Variants in GOLGB1 observed in about 807,000 individuals in gnomAD.
The protein encoded by GOLGB1 is golgin B1, also known as golgin subfamily B member 1.
GOLGB1 carries 174 observed loss-of-function variants against 336.9 expected under a neutral mutation model. The ratio of observed to expected loss-of-function variants is 0.52; its 90% CI spans 0.46 to 0.59. GOLGB1 has a LOEUF of 0.59. GOLGB1 is among the 20% of genes least tolerant of loss of function. The pLI is 0.00. For synonymous variants in GOLGB1, 1,208 were observed against 1,289.2 expected, an observed-to-expected ratio of 0.94 and a Z score of 1.35; for missense variants, 3,331 against 3,645.3, an observed-to-expected ratio of 0.91 and a Z score of 2.22.
At chr3:121,668,672 C>CAAAAA (rs138891151) in intron 18 of GOLGB1, among the ~76,000 whole-genome samples, 1 of 66,624 alleles carries the variant, frequency 1.5e-5, no homozygotes, top group Non-Finnish European at 3.4e-5. Flanking sequence ...GACTCCGTCT[C>CAAAAA]AAAAAAAAAA....
In GOLGB1 at chr3:121,737,646, C is replaced by T. The variant is rs962503493; in HGVS notation, c.-2-6673G>A. On this transcript the variant is annotated intron_variant, in intron 1 of 21. Transcript: ENST00000614479. ...CAGCCTGGGCAACAGAGCAAGACCG[C>T]GTCTCAAAAAAAAAAAAAAACCTCA... 3.6e-5 allele frequency among the ~76,000 whole-genome samples: 5 copies of T among 138,074 alleles called. No individual in the cohort carries two copies. The East Asian group carries it at 7.5e-4, about 21-fold the overall frequency. 90.6% of individuals were successfully genotyped at this position (138,074 alleles called of 152,430 possible). A position where few individuals can be genotyped will look rare whatever the true frequency, so the allele number is the denominator to read the frequency against.
chr3:121,667,364 T>C (rs1233255280), intron 20 of GOLGB1, 112 bp downstream of exon 20: 6 of 1,121,968 alleles, frequency 5.3e-6, no homozygotes, highest in Non-Finnish European at 6.4e-6. Flanking sequence ...TTGCAGCAAC[T>C]ACCTCAAGAT....
At position 121,696,430 on chromosome 3, in the gene GOLGB1, A is replaced by T. The variant is rs374134067; in HGVS notation, c.4093T>A (p.Ser1365Thr). ...TCGGCATGGACTTCAGCTTCATGGGATACTGTCTTTAGACTCTCGATTTCT... is the reference window on the plus strand; with the variant it reads ...TCGGCATGGACTTCAGCTTCATGGGTTACTGTCTTTAGACTCTCGATTTCT... ...GLEIESLKTVSHEAEVHAESL... is the reference protein window; with the variant it reads ...GLEIESLKTVTHEAEVHAESL... The change falls in exon 13 of 22, where the codon TCC becomes ACC. Residue 1365 changes from serine (S) to threonine (T), a missense_variant. Ser to Thr is a moderately conservative substitution (Grantham distance 58, BLOSUM62 1). Coordinates refer to ENST00000614479, the MANE Select transcript of GOLGB1 (RefSeq NM_001366282.2). 4 of 1,614,022 alleles carry T rather than the reference A, an allele frequency of 2.5e-6. No individual in the cohort carries two copies. The African/African-American group carries it at 4.0e-5, about 16-fold the overall frequency.
At chr3:121,685,380 C>T (rs1208465607) in intron 14 of GOLGB1, among the ~76,000 whole-genome samples, 2 of 151,802 alleles carry the variant, frequency 1.3e-5, no homozygotes, top group Non-Finnish European at 2.9e-5. Context: ...ACTAAAAATA[C>T]AAAAATTAGC....
chr3:121,673,751 C>T (rs1237343435), intron 17 of GOLGB1, among the ~76,000 whole-genome samples: 2 of 151,854 alleles, frequency 1.3e-5, no homozygotes, highest in African/African-American at 2.4e-5. Flanking sequence ...AACACAGTCT[C>T]GCTCTGTCAC....
At chr3:121,718,102 C>T (rs1039927686) in intron 8 of GOLGB1, among the ~76,000 whole-genome samples, 8 of 152,108 alleles carry the variant, frequency 5.3e-5, no homozygotes, top group African/African-American at 1.9e-4. Flanking sequence ...CATACTCAAT[C>T]TGTATGACAT....
rs138282331 is a variant in GOLGB1, at chr3:121,712,895, G to A, written c.1404+1966C>T. On this transcript the variant is annotated intron_variant, in intron 10 of 21. Transcript: ENST00000614479. ...TAGTACAACCACAGCCAGGTGCGGT[G>A]GCTCATGCCTGTAATCCCAGCACTT... 2.2e-3 allele frequency among the ~76,000 whole-genome samples: 342 copies of A among 152,288 alleles called. 3 individuals are homozygous for A. Among genetic ancestry groups the A allele is most frequent in the African/African-American group, 8.0e-3 (331 of 41,558 alleles).
chr3:121,741,132 AAC>A (rs1482702983), intron 1 of GOLGB1, among the ~76,000 whole-genome samples: 2 of 152,194 alleles, frequency 1.3e-5, no homozygotes, highest in Non-Finnish European at 2.9e-5. Context: ...AGATATAAAA[AAC>A]ACAGACAAAA....
rs1942388599 is a variant in GOLGB1 at position 121,691,239 on chromosome 3, TCTC to T, written c.8122_8124del (p.Glu2708del). Reference sequence around the variant, plus strand: ...AAATCTCTTGCTAGCTCTGCCACTCTCTCTTCTGCTGTTTCAGTTTCATTTCTC... The same window carrying T: ...AAATCTCTTGCTAGCTCTGCCACTCTTTCTGCTGTTTCAGTTTCATTTCTC... On this transcript the variant is annotated inframe_deletion, in exon 14 of 22. Transcript: ENST00000614479. The T allele has an allele frequency of 1.9e-6, 3 of 1,613,880 alleles. No individual in the cohort carries two copies. Among genetic ancestry groups the T allele is most frequent in the Non-Finnish European group, 2.5e-6 (3 of 1,180,024 alleles).
chr3:121,694,773 T>G lies in GOLGB1; in HGVS notation c.5750A>C (p.Lys1917Thr), dbSNP rs752392314. Residue 1917 changes from lysine to threonine, a missense_variant, in exon 13 of 22, where the codon AAG becomes ACG. Coordinates refer to ENST00000614479, the MANE Select transcript of GOLGB1 (RefSeq NM_001366282.2). ...QEELSRVTKLKETAEEEKDDL... is the reference protein window; with the variant it reads ...QEELSRVTKLTETAEEEKDDL... ...ATCTTTCTCTTCTTCTGCTGTCTCC[T>G]TTAGTTTGGTAACTCTGGAGAGTTC... 2 of 1,612,900 alleles carry G rather than the reference T, an allele frequency of 1.2e-6. No homozygotes were observed. The highest frequency in any genetic ancestry group is 8.5e-7 in the Non-Finnish European group (1 of 1,179,656).
intron 20 of GOLGB1, 57 bp downstream of exon 20, chr3:121,667,419 A>G: frequency 6.5e-7 from 1 of 1,542,766 alleles, no homozygotes; most frequent in Non-Finnish European, 8.8e-7. Context: ...GGAAATGTAC[A>G]TGAGTTTGAT....
At chr3:121,747,910 C>T (rs1947479902) in intron 1 of GOLGB1, among the ~76,000 whole-genome samples, 1 of 152,036 alleles carries the variant, frequency 6.6e-6, no homozygotes, top group Admixed American at 6.5e-5. Flanking sequence ...AGCTTAGTCT[C>T]CTTTTACATA....
chr3:121,688,421 C>T (rs910391790), intron 14 of GOLGB1, among the ~76,000 whole-genome samples: 11 of 152,380 alleles, frequency 7.2e-5, no homozygotes, highest in African/African-American at 1.7e-4. Flanking sequence ...CTCCTAACCG[C>T]GAGTGATCCG....
intron 5 of GOLGB1, among the ~76,000 whole-genome samples, chr3:121,725,849 A>G (rs1488771484): frequency 6.6e-6 from 1 of 152,104 alleles, no homozygotes; most frequent in Non-Finnish European, 1.5e-5. Context: ...GCAAATTAGC[A>G]CACTCAGCCC....
In GOLGB1 at chr3:121,699,809, T is replaced by A; in HGVS notation, c.1593+3A>T. 2 of 1,560,206 alleles carry A rather than the reference T, an allele frequency of 1.3e-6. No homozygotes were observed. Among genetic ancestry groups the A allele is most frequent in the Non-Finnish European group, 1.8e-6 (2 of 1,132,328 alleles). On this transcript the variant is annotated splice_donor_region_variant and intron_variant, in intron 12 of 21. Coordinates refer to ENST00000614479, the MANE Select transcript of GOLGB1 (RefSeq NM_001366282.2). ...CTGGTTATATTAAGAACACATCACT[T>A]ACCTCACTGACTTCTCTGTCTGCCT...
intron 6 of GOLGB1, 55 bp downstream of exon 6, chr3:121,722,207 C>A: frequency 1.1e-6 from 1 of 945,462 alleles, no homozygotes; most frequent in East Asian, 2.4e-5. Context: ...TTGACTTGTG[C>A]GTAATAACCC....
In GOLGB1 at chr3:121,732,289, G is replaced by C. The variant is rs555270876; in HGVS notation, c.-2-1316C>G. Among the ~76,000 whole-genome samples, 10 of 152,194 alleles carry C rather than the reference G, an allele frequency of 6.6e-5. No homozygotes were observed. In the South Asian group the frequency reaches 1.9e-3, roughly 28 times the overall value. ...AGGTGGCTTCATTAGTAGGTAACAA[G>C]AAACATTTAAGGAATAATACCAATT... On this transcript the variant is annotated intron_variant, in intron 1 of 21. Transcript: ENST00000614479.
intron 14 of GOLGB1, among the ~76,000 whole-genome samples, chr3:121,689,081 G>C (rs973491456): frequency 1.4e-5 from 2 of 139,052 alleles, no homozygotes; most frequent in Non-Finnish European, 3.1e-5. Flanking sequence ...TCAGCCCCCC[G>C]CCCGGCCAGC....
At chr3:121,685,533 C>CTGAA (rs1454223946) in intron 14 of GOLGB1, among the ~76,000 whole-genome samples, 3 of 145,658 alleles carry the variant, frequency 2.1e-5, no homozygotes, top group Admixed American at 2.1e-4. Flanking sequence ...GACTCTGTTT[C>CTGAA]TAAATAAATA....
Sources: gnomAD v4.1 joint callset for allele counts (sites outside exome capture counted in the v4.1 genomes callset) on GRCh38, gnomAD v4.1.1 for gene constraint, MANE v1.5 for transcripts, NCBI Gene and HGNC (gene_info 2026-07-23, HGNC 2026-07-21) for gene names.